Variants in WWOX observed in about 807,000 individuals in gnomAD.
WWOX encodes the protein WW domain-containing oxidoreductase.
A neutral mutation model predicts 46.2 loss-of-function variants in WWOX; 69 were observed. The observed-to-expected ratio is 1.49, with a 90% confidence interval of 1.23 to 1.82. The LOEUF (loss-of-function observed/expected upper bound fraction) is 1.82, where lower values mean the gene tolerates loss of function less well. Among genes scored for constraint, WWOX ranks in the 40% most tolerant of loss-of-function variants. The probability of loss-of-function intolerance (pLI) is 0.00; values close to 1 mark genes in which losing one functional copy is unlikely to be tolerated. For missense variants in WWOX, 919 were observed against 542.6 expected, an observed-to-expected ratio of 1.69 and a Z score of -6.89; for synonymous variants, 359 against 202.6, an observed-to-expected ratio of 1.77 and a Z score of -6.56.
chr16:79,175,325 T>A (rs1812063), intron 8 of WWOX, among the ~76,000 whole-genome samples: 71,730 of 152,086 alleles, frequency 0.47, 17,897 homozygotes, highest in East Asian at 0.88. Context: ...GCTTAAAGAC[T>A]GACCTTTTCA....
At chr16:79,196,363 A>G (rs1392168212) in intron 8 of WWOX, 1 of 152,222 alleles carries the variant, frequency 6.6e-6, no homozygotes, top group Non-Finnish European at 1.5e-5. Context: ...TCTGTCCTCC[A>G]GGTACCCCAA....
chr16:78,913,201 C>G (rs565761723), intron 8 of WWOX, among the ~76,000 whole-genome samples: 1 of 152,140 alleles, frequency 6.6e-6, no homozygotes, highest in African/African-American at 2.4e-5. Flanking sequence ...CTCATCCTTG[C>G]AGGGAGTGGG....
chr16:78,607,001 C>G (rs966639443), intron 8 of WWOX, among the ~76,000 whole-genome samples: 4 of 151,994 alleles, frequency 2.6e-5, no homozygotes, highest in Non-Finnish European at 5.9e-5. Flanking sequence ...TTGTTTTTGT[C>G]TGTCTGCCCA....
intron 8 of WWOX, among the ~76,000 whole-genome samples, chr16:78,881,376 G>C (rs1264525924): frequency 1.3e-5 from 2 of 152,172 alleles, no homozygotes; most frequent in Non-Finnish European, 2.9e-5. Flanking sequence ...ATTTAGTTAA[G>C]TTTTTCTTGC....
Position 79,171,085 on chromosome 16 carries a change from T to C in WWOX, c.1057-40523T>C, listed in dbSNP as rs567921048. Among the ~76,000 whole-genome samples, 16 of 152,310 alleles carry C rather than the reference T, an allele frequency of 1.1e-4. No homozygotes were observed. The East Asian group carries it at 2.1e-3, about 20-fold the overall frequency. ...ACTATGTTTATTCAGTGGTGATTAT[T>C]TGCTGACCCAGTGCTAGGCACGTGA... On this transcript the variant is annotated intron_variant, in intron 8 of 8. Coordinates refer to ENST00000566780, the MANE Select transcript of WWOX (RefSeq NM_016373.4).
intron 2 of WWOX, 111 bp downstream of exon 2, chr16:78,108,598 G>T (rs777531693): frequency 3.3e-6 from 4 of 1,211,190 alleles, no homozygotes; most frequent in Non-Finnish European, 4.8e-6. Flanking sequence ...CTCTCTGGTA[G>T]AGAACCAGAC....
intron 8 of WWOX, among the ~76,000 whole-genome samples, chr16:78,929,129 G>A (rs920498545): frequency 1.3e-5 from 2 of 152,084 alleles, no homozygotes; most frequent in East Asian, 3.9e-4. Context: ...GCTCTCTCAA[G>A]AAATCCATTT....
At chr16:78,219,250 C>G (rs2036815164) in intron 5 of WWOX, among the ~76,000 whole-genome samples, 1 of 151,808 alleles carries the variant, frequency 6.6e-6, no homozygotes, top group Non-Finnish European at 1.5e-5. Context: ...TTAGATTACT[C>G]CAAGGAAGTT....
chr16:79,198,555 A>T (rs1242333706), intron 8 of WWOX, among the ~76,000 whole-genome samples: 1 of 152,158 alleles, frequency 6.6e-6, no homozygotes, highest in Non-Finnish European at 1.5e-5. Flanking sequence ...ACCTAACTAG[A>T]GACATTAATC....
intron 8 of WWOX, among the ~76,000 whole-genome samples, chr16:78,543,663 T>C (rs2941941): frequency 6.6e-6 from 1 of 152,192 alleles, no homozygotes; most frequent in South Asian, 2.1e-4. Context: ...TCAGTTGTAA[T>C]GGAGGCATCA....
At chr16:78,910,917 T>C (rs915965022) in intron 8 of WWOX, among the ~76,000 whole-genome samples, 2 of 152,080 alleles carry the variant, frequency 1.3e-5, no homozygotes, top group African/African-American at 4.8e-5. Context: ...TATGCATATG[T>C]TGATCAGCTC....
At chr16:78,219,634 A>G (rs1238655795) in intron 5 of WWOX, among the ~76,000 whole-genome samples, 1 of 152,198 alleles carries the variant, frequency 6.6e-6, no homozygotes, top group Non-Finnish European at 1.5e-5. Flanking sequence ...GCGAATGAAC[A>G]GTTCTCTTTT....
At chr16:78,680,953 A>C (rs1296591712) in intron 8 of WWOX, among the ~76,000 whole-genome samples, 1 of 152,160 alleles carries the variant, frequency 6.6e-6, no homozygotes, top group East Asian at 1.9e-4. Flanking sequence ...TCTACAAAAA[A>C]CTAAAAAAAT....
intron 5 of WWOX, among the ~76,000 whole-genome samples, chr16:78,233,712 A>G (rs560401288): frequency 6.6e-6 from 1 of 152,060 alleles, no homozygotes; most frequent in African/African-American, 2.4e-5. Context: ...TAGTTTTAGT[A>G]GGGATGGGGT....
At chr16:78,358,864 G>GGCTTT (rs2081351268) in intron 5 of WWOX, among the ~76,000 whole-genome samples, 1 of 46,466 alleles carries the variant, frequency 2.2e-5, no homozygotes. Context: ...TCACACTGTG[G>GGCTTT]TCTTTTTTTT....
At chr16:78,745,578 C>G (rs16948433) in intron 8 of WWOX, among the ~76,000 whole-genome samples, 1,240 of 117,986 alleles carry the variant, frequency 0.011, 19 homozygotes, top group African/African-American at 0.039. Context: ...GGAAATGTAA[C>G]ATTTTAAAGC....
chr16:78,126,982 A>G (rs1448294013), intron 4 of WWOX, among the ~76,000 whole-genome samples: 2 of 152,206 alleles, frequency 1.3e-5, no homozygotes, highest in Non-Finnish European at 2.9e-5. Context: ...AAATTGTACC[A>G]TTGCTGAAAA....
intron 8 of WWOX, among the ~76,000 whole-genome samples, chr16:78,619,122 C>A (rs1165821522): frequency 1.4e-5 from 1 of 72,662 alleles, no homozygotes; most frequent in African/African-American, 5.8e-5. Context: ...GTGGCAAAAC[C>A]CCATTTCTAC....
intron 4 of WWOX, among the ~76,000 whole-genome samples, chr16:78,146,596 G>C (rs115341917): frequency 6.6e-6 from 1 of 152,228 alleles, no homozygotes; most frequent in African/African-American, 2.4e-5. Context: ...TATTTCACCC[G>C]TCCCTCATCA....
Sources: gnomAD v4.1 joint callset for allele counts (sites outside exome capture counted in the v4.1 genomes callset) on GRCh38, gnomAD v4.1.1 for gene constraint, MANE v1.5 for transcripts, NCBI Gene and HGNC (gene_info 2026-07-23, HGNC 2026-07-21) for gene names.